ASTN2: variants seen among roughly 807,000 people sequenced by gnomAD.
ASTN2 encodes astrotactin 2.
In ASTN2, 54 loss-of-function variants were observed where a neutral mutation model predicts 139.8. The observed-to-expected ratio is 0.39, with a 90% CI of 0.31 to 0.48. ASTN2 has a LOEUF of 0.48. ASTN2 is among the 20% of genes least tolerant of loss of function. The pLI is 0.95. For missense variants in ASTN2, 1,565 were observed against 1,725.1 expected (o/e 0.91, Z 1.64); for synonymous variants, 756 against 719.5 (o/e 1.05, Z -0.81).
intron 7 of ASTN2, among the ~76,000 whole-genome samples, chr9:117,007,864 G>A (rs1837401630): frequency 6.6e-6 from 1 of 152,140 alleles, no homozygotes; most frequent in Non-Finnish European, 1.5e-5. Context: ...TAGGCCAGAT[G>A]TTCTCTGTGG....
chr9:116,503,023 G>T (rs763802953), intron 19 of ASTN2, among the ~76,000 whole-genome samples: 6 of 130,310 alleles, frequency 4.6e-5, no homozygotes, highest in Non-Finnish European at 8.0e-5. Context: ...TGAAAGGAAA[G>T]AAAAAAGGAG....
At position 117,203,784 on chromosome 9, in the gene ASTN2, G is replaced by A. The variant is rs191206605; in HGVS notation, c.1015+10574C>T. 7.2e-4 allele frequency among the ~76,000 whole-genome samples: 109 copies of A among 152,238 alleles called. 3 individuals are homozygous for A. The highest frequency in any genetic ancestry group is 7.0e-3 in the East Asian group (36 of 5,178). ...GCACCAACCTGATGCCAGTAGGTTC[G>A]CTCCTGCATAGGGTATCTGACAACC... On this transcript the variant is annotated intron_variant, in intron 3 of 22. Coordinates refer to ENST00000313400, the MANE Select transcript of ASTN2 (RefSeq NM_001365068.1).
chr9:116,857,793 G>T (rs770810152), intron 11 of ASTN2, among the ~76,000 whole-genome samples: 1 of 152,110 alleles, frequency 6.6e-6, no homozygotes, highest in African/African-American at 2.4e-5. Flanking sequence ...GCTACTCTTC[G>T]CATTGACAGG....
chr9:117,271,702 C>A (rs2133125855), intron 2 of ASTN2, among the ~76,000 whole-genome samples: 1 of 152,318 alleles, frequency 6.6e-6, no homozygotes, highest in South Asian at 2.1e-4. Context: ...AAAGAAGTTA[C>A]AGGGCCTATG....
At chr9:116,952,989 A>G (rs1402407236) in intron 10 of ASTN2, among the ~76,000 whole-genome samples, 3 of 152,196 alleles carry the variant, frequency 2.0e-5, no homozygotes, top group Non-Finnish European at 4.4e-5. Flanking sequence ...ACCTTGGGCC[A>G]GGCCATGTCA....
intron 2 of ASTN2, among the ~76,000 whole-genome samples, chr9:117,229,046 T>C (rs1832805715): frequency 6.6e-6 from 1 of 151,838 alleles, no homozygotes; most frequent in East Asian, 1.9e-4. Flanking sequence ...AACCATGAAG[T>C]TCAATATCTC....
intron 4 of ASTN2, among the ~76,000 whole-genome samples, chr9:117,111,058 G>T (rs1043326487): frequency 1.3e-5 from 2 of 152,154 alleles, no homozygotes; most frequent in Non-Finnish European, 2.9e-5. Context: ...GCTCACCAAA[G>T]GCAGGACAGC....
At chr9:117,303,174 T>C (rs1272748960) in intron 1 of ASTN2, among the ~76,000 whole-genome samples, 1 of 152,176 alleles carries the variant, frequency 6.6e-6, no homozygotes, top group East Asian at 1.9e-4. Flanking sequence ...TGCTAGATCA[T>C]AAGAGTCTTC....
chr9:117,310,064 C>T (rs1827926814), intron 1 of ASTN2, among the ~76,000 whole-genome samples: 1 of 152,120 alleles, frequency 6.6e-6, no homozygotes, highest in African/African-American at 2.4e-5. Context: ...ACAGGGTGTG[C>T]AGCCAATACT....
chr9:116,859,211 G>A (rs1588360444), intron 11 of ASTN2, among the ~76,000 whole-genome samples: 1 of 152,258 alleles, frequency 6.6e-6, no homozygotes, highest in African/African-American at 2.4e-5. Flanking sequence ...AATTCCTTAC[G>A]CAAATTTAAA....
chr9:117,100,364 C>G (rs899725237), intron 4 of ASTN2, among the ~76,000 whole-genome samples: 1 of 152,180 alleles, frequency 6.6e-6, no homozygotes, highest in Non-Finnish European at 1.5e-5. Flanking sequence ...AAATATAATG[C>G]AAACCACATA....
intron 6 of ASTN2, among the ~76,000 whole-genome samples, chr9:117,020,014 G>C (rs1472049553): frequency 6.9e-6 from 1 of 144,728 alleles, no homozygotes. Flanking sequence ...GTGTGTGTGT[G>C]TGTGTGTGTG....
intron 1 of ASTN2, among the ~76,000 whole-genome samples, chr9:117,322,081 C>G (rs1828341504): frequency 6.6e-6 from 1 of 152,120 alleles, no homozygotes; most frequent in South Asian, 2.1e-4. Context: ...CCCTCCCTCC[C>G]CATCTTATCC....
At chr9:116,489,015 C>A (rs1439654305) in intron 19 of ASTN2, among the ~76,000 whole-genome samples, 1 of 152,096 alleles carries the variant, frequency 6.6e-6, no homozygotes, top group Non-Finnish European at 1.5e-5. Context: ...TGATATGAGG[C>A]CTCTCAACTG....
At chr9:116,572,367 A>G (rs1452180896) in intron 19 of ASTN2, among the ~76,000 whole-genome samples, 1 of 152,208 alleles carries the variant, frequency 6.6e-6, no homozygotes, top group African/African-American at 2.4e-5. Context: ...TGTATGGGCC[A>G]TGAACACCAC....
At chr9:116,990,844 C>T (rs1487501883) in intron 7 of ASTN2, among the ~76,000 whole-genome samples, 1 of 152,186 alleles carries the variant, frequency 6.6e-6, no homozygotes, top group Non-Finnish European at 1.5e-5. Flanking sequence ...TCAGGCTTCA[C>T]TACAGAGTCA....
At chr9:116,634,731 G>A (rs1267914910) in intron 17 of ASTN2, among the ~76,000 whole-genome samples, 1 of 151,808 alleles carries the variant, frequency 6.6e-6, no homozygotes, top group East Asian at 1.9e-4. Flanking sequence ...ATTTTCTATT[G>A]AGAAAACAAT....
intron 1 of ASTN2, among the ~76,000 whole-genome samples, chr9:117,369,131 AGAGT>A (rs2130909946): frequency 6.6e-6 from 1 of 152,288 alleles, no homozygotes; most frequent in South Asian, 2.1e-4. Context: ...TAAACCTGGA[AGAGT>A]GCTATTCAAA....
At chr9:116,679,684 C>T (rs1859721305) in intron 16 of ASTN2, among the ~76,000 whole-genome samples, 2 of 152,178 alleles carry the variant, frequency 1.3e-5, no homozygotes, top group South Asian at 4.1e-4. Context: ...TCTCAGAACA[C>T]AGTGCAATCA....
Sources: gnomAD v4.1 joint callset for allele counts (sites outside exome capture counted in the v4.1 genomes callset) on GRCh38, gnomAD v4.1.1 for gene constraint, MANE v1.5 for transcripts, NCBI Gene and HGNC (gene_info 2026-07-23, HGNC 2026-07-21) for gene names.